Variants in CWF19L2 observed in about 807,000 individuals in gnomAD.
CWF19L2 encodes the protein CWF19-like protein 2.
Under a neutral mutation model 111.7 loss-of-function variants are expected in CWF19L2, and 98 were observed. The observed-to-expected ratio is 0.88, with a 90% CI of 0.75 to 1.04. The LOEUF is 1.04. CWF19L2 is among the 50% of genes least tolerant of loss of function. The probability of loss-of-function intolerance (pLI) is 0.00; values close to 1 mark genes in which losing one functional copy is unlikely to be tolerated. For synonymous variants in CWF19L2, 351 were observed against 342.9 expected (o/e 1.02, Z -0.26); for missense variants, 1,101 against 1,051.4 (o/e 1.05, Z -0.65).
chr11:107,384,260 G>A (rs1284805827), intron 12 of CWF19L2, among the ~76,000 whole-genome samples: 1 of 152,180 alleles, frequency 6.6e-6, no homozygotes, highest in Non-Finnish European at 1.5e-5. Context: ...CTTGGAACCA[G>A]AAGTGTTTCA....
intron 10 of CWF19L2, among the ~76,000 whole-genome samples, chr11:107,410,567 C>T (rs2135392983): frequency 6.6e-6 from 1 of 152,232 alleles, no homozygotes; most frequent in East Asian, 1.9e-4. Context: ...GCAGAAATAA[C>T]ACTTCGTATG....
chr11:107,438,207 T>C (rs1335006149), intron 6 of CWF19L2, among the ~76,000 whole-genome samples: 1 of 152,156 alleles, frequency 6.6e-6, no homozygotes, highest in East Asian at 1.9e-4. Flanking sequence ...AAAGAGAACA[T>C]CACAATTTGT....
intron 10 of CWF19L2, among the ~76,000 whole-genome samples, chr11:107,406,548 C>A (rs553655801): frequency 1.3e-5 from 2 of 152,310 alleles, no homozygotes; most frequent in East Asian, 3.9e-4. Context: ...CACAGGACTG[C>A]ATCTGCCCAA....
intron 14 of CWF19L2, among the ~76,000 whole-genome samples, chr11:107,340,448 C>T (rs1420686185): frequency 2.0e-5 from 3 of 152,148 alleles, no homozygotes; most frequent in Non-Finnish European, 4.4e-5. Context: ...ATTGCTTTTG[C>T]ACCTTTGTCA....
rs1859765891 is a variant in CWF19L2, at chr11:107,326,749, GA to G, written c.*160del. 2.0e-6 allele frequency: 1 copy of G among 507,338 alleles called. No homozygotes were observed. The allele number at this position is 507,338 out of a possible 1,614,324, so 31.4% of individuals were successfully genotyped here. A position where few individuals can be genotyped will look rare whatever the true frequency, so the allele number is the denominator to read the frequency against. Reference sequence around the variant, plus strand: ...TCCATAGATAGGAGCAGGTGAAGAAGAAAACAACACAATCTCCTGATGTACA... The same window carrying G: ...TCCATAGATAGGAGCAGGTGAAGAAGAAACAACACAATCTCCTGATGTACA... On this transcript the variant is annotated 3_prime_UTR_variant, in exon 18 of 18. Transcript: ENST00000282251.
At chr11:107,386,098 C>T (rs1236120784) in intron 12 of CWF19L2, among the ~76,000 whole-genome samples, 3 of 152,172 alleles carry the variant, frequency 2.0e-5, no homozygotes, top group Admixed American at 6.5e-5. Flanking sequence ...CAGTTTCAGA[C>T]ATCCACCTAA....
rs1204223704 is a variant in CWF19L2 at position 107,436,543 on chromosome 11, T to C, written c.664+2547A>G. On this transcript the variant is annotated intron_variant, in intron 6 of 17. Transcript: ENST00000282251. ...ATATGTAAAATCTTATGTATGTCAT[T>C]AACTTCTTTGGACCTTTGCTCCTTC... Among the ~76,000 whole-genome samples, 6 of 152,310 alleles carry C rather than the reference T, an allele frequency of 3.9e-5. No homozygotes were observed. In the South Asian group the frequency reaches 1.0e-3, roughly 26 times the overall value.
intron 12 of CWF19L2, among the ~76,000 whole-genome samples, chr11:107,369,576 T>C (rs1259121165): frequency 7.2e-6 from 1 of 138,396 alleles, no homozygotes; most frequent in African/African-American, 2.9e-5. Flanking sequence ...CTGCCTCTTT[T>C]ACTACTAATT....
At chr11:107,349,381 T>C (rs1352969668) in intron 13 of CWF19L2, among the ~76,000 whole-genome samples, 3 of 152,160 alleles carry the variant, frequency 2.0e-5, no homozygotes, top group East Asian at 1.9e-4. Flanking sequence ...CTGAAGGAGC[T>C]AGATACTTTG....
intron 12 of CWF19L2, among the ~76,000 whole-genome samples, chr11:107,357,649 A>G (rs753557827): frequency 6.6e-6 from 1 of 152,196 alleles, no homozygotes; most frequent in Non-Finnish European, 1.5e-5. Flanking sequence ...TAACTGAAAT[A>G]TGGTCCCTAC....
At chr11:107,417,926 AT>A (rs1861250944) in intron 9 of CWF19L2, among the ~76,000 whole-genome samples, 2 of 151,944 alleles carry the variant, frequency 1.3e-5, no homozygotes, top group Admixed American at 1.3e-4. Flanking sequence ...CACCCAGCTA[AT>A]TTTTGTATTT....
chr11:107,343,742 A>C (rs1860038782), intron 14 of CWF19L2, among the ~76,000 whole-genome samples: 1 of 152,032 alleles, frequency 6.6e-6, no homozygotes, highest in South Asian at 2.1e-4. Context: ...TAGTTTTTAA[A>C]GTGATTCTAA....
intron 10 of CWF19L2, among the ~76,000 whole-genome samples, chr11:107,405,819 G>A (rs1336037982): frequency 8.8e-6 from 1 of 113,656 alleles, no homozygotes; most frequent in African/African-American, 3.7e-5. Flanking sequence ...AGAAAAACTA[G>A]CAAAGAATAT....
chr11:107,333,102 G>C (rs1227666269), intron 16 of CWF19L2, among the ~76,000 whole-genome samples: 1 of 140,228 alleles, frequency 7.1e-6, no homozygotes, highest in Non-Finnish European at 1.6e-5. Flanking sequence ...AAAAAAAAAA[G>C]GTAAAAGGGA....
chr11:107,348,504 A>T (rs2134541031), intron 14 of CWF19L2, among the ~76,000 whole-genome samples: 1 of 152,328 alleles, frequency 6.6e-6, no homozygotes, highest in Middle Eastern at 3.4e-3. Flanking sequence ...ACACAGCAGC[A>T]GAGAAGACCA....
chr11:107,425,837 T>C (rs973750129), intron 8 of CWF19L2, among the ~76,000 whole-genome samples: 18 of 152,086 alleles, frequency 1.2e-4, no homozygotes, highest in African/African-American at 3.6e-4. Context: ...ATTAAATTTG[T>C]AAAACCAAAA....
intron 10 of CWF19L2, chr11:107,403,423 T>G: frequency 1.3e-6 from 1 of 759,180 alleles, no homozygotes; most frequent in Non-Finnish European, 2.4e-6. Flanking sequence ...CATCTTCTGG[T>G]AGGGGATCTG....
intron 7 of CWF19L2, among the ~76,000 whole-genome samples, chr11:107,429,786 T>C (rs1301135975): frequency 7.3e-6 from 1 of 137,090 alleles, no homozygotes; most frequent in Non-Finnish European, 1.5e-5. Flanking sequence ...AGAGGTTAAA[T>C]TGCTAAAACA....
chr11:107,417,637 C>A (rs183927711), intron 9 of CWF19L2, among the ~76,000 whole-genome samples: 49 of 152,038 alleles, frequency 3.2e-4, no homozygotes, highest in African/African-American at 1.1e-3. Flanking sequence ...AAGTAAATAG[C>A]CAAGTAAAAA....
Sources: gnomAD v4.1 joint callset for allele counts (sites outside exome capture counted in the v4.1 genomes callset) on GRCh38, gnomAD v4.1.1 for gene constraint, MANE v1.5 for transcripts, NCBI Gene and HGNC (gene_info 2026-07-23, HGNC 2026-07-21) for gene names.